GP6: variants seen among roughly 807,000 people sequenced by gnomAD.
GP6 encodes the protein platelet glycoprotein VI.
GP6 carries 45 observed loss-of-function variants against 37.3 expected under a neutral mutation model. That is an observed-to-expected ratio of 1.21 (90% confidence interval 0.95 to 1.55). The LOEUF (loss-of-function observed/expected upper bound fraction) is 1.55. Among genes scored for constraint, GP6 ranks in the 40% most tolerant of loss-of-function variants. GP6 has a pLI of 0.00. For synonymous variants in GP6, 340 were observed against 316.4 expected (o/e 1.07, Z -0.79); for missense variants, 813 against 760.2 (o/e 1.07, Z -0.82).
rs145466492 is a variant in GP6 at position 55,034,330 on chromosome 19, G to A, written c.35-1792C>T. ...CCAGCACTTTGGGAGGCCAGGGTGG[G>A]CGGATCACAAGGTCAGGAGTTCAAG... is the stretch of plus-strand genomic sequence containing the variant. On this transcript the variant is annotated intron_variant, in intron 1 of 7. Coordinates refer to ENST00000310373, the MANE Select transcript of GP6 (RefSeq NM_001083899.2). 9.0e-3 allele frequency among the ~76,000 whole-genome samples: 1,363 copies of A among 152,174 alleles called. 52 individuals are homozygous for A. Among genetic ancestry groups the A allele is most frequent in the Admixed American group, 0.064 (980 of 15,272 alleles).
rs373805504 is a variant in GP6, at chr19:55,036,139, AGTAAT to A, written c.34+2059_34+2063del. ...AGCTGGAAGGCATTATTCTAAGTAA[AGTAAT>A]ACAGGAGTGGAAAACAAAAATCTGT... On this transcript the variant is annotated intron_variant, in intron 1 of 7. Coordinates refer to ENST00000310373, the MANE Select transcript of GP6 (RefSeq NM_001083899.2). 3.0e-3 allele frequency among the ~76,000 whole-genome samples: 463 copies of A among 152,204 alleles called. 3 individuals carry two copies. Among genetic ancestry groups the A allele is most frequent in the African/African-American group, 0.011 (444 of 41,522 alleles).
At position 55,021,050 on chromosome 19, in the gene GP6, T is replaced by TAAA. The variant is rs60477411; in HGVS notation, c.665-2342_665-2340dup. The stretch of plus-strand genomic sequence containing the variant: ...CTGGGTGACAGAGTGAGACTCTGTT[T>TAAA]AAAAAAAAAAAAAAAAAAAAAAGGT... On this transcript the variant is annotated intron_variant, in intron 5 of 7. Coordinates refer to ENST00000310373, the MANE Select transcript of GP6 (RefSeq NM_001083899.2). Among the ~76,000 whole-genome samples, 72 of 107,702 alleles carry TAAA rather than the reference T, an allele frequency of 6.7e-4. 1 individual carries two copies. The highest frequency in any genetic ancestry group is 6.1e-4 in the Non-Finnish European group (34 of 55,988). The allele number at this position is 107,702 out of a possible 152,430, so 70.7% of individuals were successfully genotyped here.
intron 4 of GP6, among the ~76,000 whole-genome samples, chr19:55,026,000 CAAA>C (rs869194721): frequency 1.7e-4 from 3 of 17,864 alleles, no homozygotes; most frequent in African/African-American, 4.3e-4. Flanking sequence ...AGACTCCCCC[CAAA>C]AAAAAAAAAA....
At chr19:55,019,168 C>T (rs1170062457) in intron 5 of GP6, among the ~76,000 whole-genome samples, 9 of 148,138 alleles carry the variant, frequency 6.1e-5, no homozygotes, top group African/African-American at 2.0e-4. Context: ...TGCAGTGGCG[C>T]GATCTCAGCT....
In GP6 at chr19:55,017,815, A is replaced by G. The variant is rs560915856; in HGVS notation, c.724+837T>C. ...GCCGGGCGCGGTGGCTCATGCCTCC[A>G]ATCCCAGCACTTTGGGAGGCCGAGA... On this transcript the variant is annotated intron_variant, in intron 6 of 7. Coordinates refer to ENST00000310373, the MANE Select transcript of GP6 (RefSeq NM_001083899.2). 1.4e-4 allele frequency among the ~76,000 whole-genome samples: 22 copies of G among 152,236 alleles called. No individual in the cohort carries two copies. In the South Asian group the frequency reaches 4.6e-3, roughly 32 times the overall value.
At chr19:55,034,296 C>T (rs1236065140) in intron 1 of GP6, among the ~76,000 whole-genome samples, 1 of 151,976 alleles carries the variant, frequency 6.6e-6, no homozygotes, top group Non-Finnish European at 1.5e-5. Context: ...GTGGCTCATG[C>T]CTATAATCCC....
rs199731675 is a variant in GP6, at chr19:55,032,489, T to G, written c.67+17A>C. 1 of 1,613,346 alleles carries G rather than the reference T, an allele frequency of 6.2e-7. No homozygotes were observed. Among genetic ancestry groups the G allele is most frequent in the East Asian group, 2.2e-5 (1 of 44,842 alleles). On this transcript the variant is annotated intron_variant, in intron 2 of 7. Coordinates refer to ENST00000310373, the MANE Select transcript of GP6 (RefSeq NM_001083899.2). Reference sequence around the variant, plus strand: ...GGCGGATCCCGCAGGAGGGAAGGGGTCTGGGGAAGGACTCACCACTCTGCG... The same window carrying G: ...GGCGGATCCCGCAGGAGGGAAGGGGGCTGGGGAAGGACTCACCACTCTGCG...
chr19:55,034,146 ATGCATG>A (rs1266195074), intron 1 of GP6, among the ~76,000 whole-genome samples: 4 of 91,490 alleles, frequency 4.4e-5, no homozygotes, highest in Non-Finnish European at 6.8e-5. Context: ...GTATATATGT[ATGCATG>A]TGTGTGTGTG....
At position 55,032,236 on chromosome 19, in the gene GP6, C is replaced by T. The variant is rs757745719; in HGVS notation, c.228G>A (p.Pro76=). 1.9e-5 allele frequency: 30 copies of T among 1,613,918 alleles called. No individual in the cohort carries two copies. The highest frequency in any genetic ancestry group is 4.5e-5 in the East Asian group (2 of 44,876). The change falls in exon 3 of 8, where the codon CCG becomes CCA. Residue 76 remains proline (P), a synonymous_variant. Coordinates refer to ENST00000310373, the MANE Select transcript of GP6 (RefSeq NM_001083899.2). ...GTCCAGCCAGACTTCTCTTCATGGC[C>T]GGGATGAAGAGGACTGCCTGATCCT...
At chr19:55,032,884 ACGG>A in intron 1 of GP6, 1 of 204,864 alleles carries the variant, frequency 4.9e-6, no homozygotes, top group African/African-American at 5.3e-5. Context: ...CGTGTTAGAC[ACGG>A]TGGACTCGTT....
chr19:55,034,118 G>A (rs1011039187), intron 1 of GP6, among the ~76,000 whole-genome samples: 10 of 114,418 alleles, frequency 8.7e-5, no homozygotes, highest in Non-Finnish European at 1.9e-4. Context: ...ACATACACAC[G>A]TGTATATGTA....
Position 55,014,572 on chromosome 19 carries a change from G to A in GP6, c.1373C>T (p.Pro458Leu). ...TGGAACAGAGTCAACCCTGAGAGCT[G>A]GGAACCTTAGAGATCCGTCTGGAGC... The change falls in exon 8 of 8, where the codon CCA (proline) becomes CTA (leucine). Residue 458 changes from proline (P) to leucine (L), a missense_variant. Physicochemically the swap from Pro to Leu is moderately conservative, Grantham distance 98. Coordinates refer to ENST00000310373, the MANE Select transcript of GP6 (RefSeq NM_001083899.2). 6.2e-7 allele frequency: 1 copy of A among 1,613,246 alleles called. No homozygotes were observed. Among genetic ancestry groups the A allele is most frequent in the South Asian group, 1.1e-5 (1 of 91,066 alleles).
At chr19:55,030,673 TAAG>T (rs1161813881) in intron 3 of GP6, among the ~76,000 whole-genome samples, 15 of 149,006 alleles carry the variant, frequency 1.0e-4, no homozygotes, top group East Asian at 6.0e-4. Context: ...AATAAATAAA[TAAG>T]AAAAGAAATT....
Position 55,014,390 on chromosome 19 carries a change from A to G in GP6, c.1555T>C (p.Phe519Leu), listed in dbSNP as rs375130495. The G allele has an allele frequency of 9.3e-6, 15 of 1,613,696 alleles. No homozygotes were observed. In the African/African-American group the frequency reaches 1.3e-4, roughly 14 times the overall value. The change falls in exon 8 of 8, where the codon TTC (phenylalanine) becomes CTC (leucine). Residue 519 changes from phenylalanine to leucine, a missense_variant. By Grantham distance (22) the Phe-to-Leu change is conservative (BLOSUM62 0). Coordinates refer to ENST00000310373, the MANE Select transcript of GP6 (RefSeq NM_001083899.2). ...GCTAGTTTTACACTAAGGAAAATGA[A>G]TGACATACCCAAACTGCCTGCAAGA...
intron 6 of GP6, 32 bp downstream of exon 6, chr19:55,018,620 T>G: frequency 7.8e-7 from 1 of 1,287,636 alleles, no homozygotes; most frequent in Admixed American, 1.7e-5. Flanking sequence ...TCACACTCCT[T>G]TCTGCTGAGC....
chr19:55,024,897 G>A (rs1326413200), intron 5 of GP6, among the ~76,000 whole-genome samples: 3 of 151,566 alleles, frequency 2.0e-5, no homozygotes, highest in African/African-American at 4.9e-5. Flanking sequence ...TTGGTTGGTT[G>A]GTTGGTTGGT....
rs1568624004 is a variant in GP6, at chr19:55,027,865, G to A, written c.326-3C>T. 1 of 1,614,014 alleles carries A rather than the reference G, an allele frequency of 6.2e-7. No homozygotes were observed. The highest frequency in any genetic ancestry group is 8.5e-7 in the Non-Finnish European group (1 of 1,179,902). On this transcript the variant is annotated splice_polypyrimidine_tract_variant and splice_region_variant and intron_variant, in intron 3 of 7. Transcript: ENST00000310373. ...GAGCGAGGGTTTGGCAAAAACTCCT[G>A]GGAGAAAAAGAAAGTCTGATGTTGA...
chr19:55,016,453 T>A (rs1399814855), intron 6 of GP6, among the ~76,000 whole-genome samples: 25 of 145,900 alleles, frequency 1.7e-4, no homozygotes, highest in African/African-American at 4.4e-4. Context: ...TCGGCTCACT[T>A]CAACCTCCGC....
Position 55,032,188 on chromosome 19 carries a change from G to A in GP6, c.276C>T (p.Asn92=), listed in dbSNP as rs545004274. The change falls in exon 3 of 8, where the codon AAC becomes AAT. Residue 92 remains asparagine (N), a synonymous_variant. Coordinates refer to ENST00000310373, the MANE Select transcript of GP6 (RefSeq NM_001083899.2). ...CGCTGGGCAGGGACCAGAGGCTTCC[G>A]TTCTGGTAGGAGCAGCGGTAGCGTC... The A allele has an allele frequency of 1.5e-5, 25 of 1,613,822 alleles. No individual in the cohort carries two copies. Among genetic ancestry groups the A allele is most frequent in the Middle Eastern group, 3.3e-4 (2 of 6,056 alleles).
Sources: gnomAD v4.1 joint callset for allele counts (sites outside exome capture counted in the v4.1 genomes callset) on GRCh38, gnomAD v4.1.1 for gene constraint, MANE v1.5 for transcripts, NCBI Gene and HGNC (gene_info 2026-07-23, HGNC 2026-07-21) for gene names.